Variants in PTPRD observed in about 807,000 individuals in gnomAD.
PTPRD encodes receptor-type tyrosine-protein phosphatase delta.
A neutral mutation model predicts 214.5 loss-of-function variants in PTPRD; 34 were observed. The ratio of observed to expected loss-of-function variants is 0.16; its 90% CI spans 0.12 to 0.21. The LOEUF (loss-of-function observed/expected upper bound fraction) is 0.21. Ranked by LOEUF, PTPRD falls within the 10% of genes least tolerant of loss-of-function variation. The pLI, the probability that PTPRD is intolerant of heterozygous loss-of-function variation, is 1.00. For synonymous variants in PTPRD, 1,128 were observed against 845.7 expected (o/e 1.33, Z -5.79); for missense variants, 2,545 against 2,398.7 (o/e 1.06, Z -1.27).
intron 11 of PTPRD, among the ~76,000 whole-genome samples, chr9:9,013,250 T>C (rs1421351955): frequency 6.6e-6 from 1 of 152,086 alleles, no homozygotes; most frequent in Non-Finnish European, 1.5e-5. Context: ...ATAATTAATA[T>C]ACGAGGCCAC....
intron 5 of PTPRD, among the ~76,000 whole-genome samples, chr9:9,931,926 C>G (rs1274037066): frequency 1.3e-5 from 2 of 151,734 alleles, no homozygotes; most frequent in East Asian, 3.9e-4. Flanking sequence ...ACCCCTGACC[C>G]CCGAGCAGCC....
At chr9:9,381,634 T>G (rs1311898659) in intron 9 of PTPRD, among the ~76,000 whole-genome samples, 11 of 152,062 alleles carry the variant, frequency 7.2e-5, no homozygotes, top group Non-Finnish European at 1.2e-4. Context: ...ATTACAGGTG[T>G]GGGCCACCAC....
chr9:8,352,301 A>C (rs1043120407), intron 39 of PTPRD, among the ~76,000 whole-genome samples: 9 of 152,202 alleles, frequency 5.9e-5, no homozygotes, highest in African/African-American at 2.2e-4. Flanking sequence ...GCCATTAGGC[A>C]TGGATAGAGC....
intron 14 of PTPRD, among the ~76,000 whole-genome samples, chr9:8,621,470 C>T (rs756650827): frequency 6.6e-6 from 1 of 151,814 alleles, no homozygotes; most frequent in African/African-American, 2.4e-5. Context: ...TTGGCTCAAA[C>T]CCCAGTCGTA....
intron 34 of PTPRD, among the ~76,000 whole-genome samples, chr9:8,445,363 CACTT>C (rs1411055863): frequency 6.6e-6 from 1 of 152,144 alleles, no homozygotes; most frequent in Non-Finnish European, 1.5e-5. Flanking sequence ...ATAAGACAGA[CACTT>C]ACAATCAATC....
chr9:10,478,665 C>T (rs1241979295), intron 2 of PTPRD, among the ~76,000 whole-genome samples: 1 of 151,896 alleles, frequency 6.6e-6, no homozygotes, highest in Non-Finnish European at 1.5e-5. Flanking sequence ...ATTTCTGCTG[C>T]TCATTTTTGA....
chr9:9,122,425 A>T (rs2099818463), intron 10 of PTPRD, among the ~76,000 whole-genome samples: 1 of 152,242 alleles, frequency 6.6e-6, no homozygotes, highest in Non-Finnish European at 1.5e-5. Flanking sequence ...TGAGTCAGCA[A>T]ATGTCCTAAA....
intron 43 of PTPRD, among the ~76,000 whole-genome samples, chr9:8,334,206 C>G (rs1049983225): frequency 1.3e-5 from 2 of 152,108 alleles, no homozygotes; most frequent in African/African-American, 4.8e-5. Context: ...CTACAGAACT[C>G]TCCACCCCAA....
At chr9:9,128,011 A>C (rs1225929534) in intron 10 of PTPRD, among the ~76,000 whole-genome samples, 1 of 152,134 alleles carries the variant, frequency 6.6e-6, no homozygotes, top group African/African-American at 2.4e-5. Flanking sequence ...TGCCAATTTT[A>C]TTTAGGCTCT....
At chr9:8,632,553 G>A (rs971882696) in intron 14 of PTPRD, among the ~76,000 whole-genome samples, 2 of 151,932 alleles carry the variant, frequency 1.3e-5, no homozygotes, top group Non-Finnish European at 2.9e-5. Flanking sequence ...AATGTCAACT[G>A]TGAGGTGCCT....
chr9:8,627,064 C>A (rs141348833), intron 14 of PTPRD, among the ~76,000 whole-genome samples: 357 of 151,846 alleles, frequency 2.4e-3, no homozygotes, highest in African/African-American at 8.1e-3. Context: ...CTCACAGACT[C>A]CTAAATATTC....
In PTPRD at chr9:8,925,189, T is replaced by C. The variant is rs1349154047; in HGVS notation, c.-104+93508A>G. 2.0e-5 allele frequency among the ~76,000 whole-genome samples: 3 copies of C among 152,156 alleles called. No individual in the cohort carries two copies. In the East Asian group the frequency reaches 5.8e-4, roughly 29 times the overall value. On this transcript the variant is annotated intron_variant, in intron 11 of 45. Coordinates refer to ENST00000381196, the MANE Select transcript of PTPRD (RefSeq NM_002839.4). ...CTGACTCTAATTACTCCCTATGTGA[T>C]GATGCAGCCAACGTCTTGACTCCAG...
intron 12 of PTPRD, among the ~76,000 whole-genome samples, chr9:8,711,345 G>T (rs893796605): frequency 6.6e-6 from 1 of 151,744 alleles, no homozygotes; most frequent in East Asian, 1.9e-4. Flanking sequence ...GATATAATTG[G>T]CATATTATAA....
At chr9:8,451,492 G>C (rs765347652) in intron 33 of PTPRD, among the ~76,000 whole-genome samples, 14 of 152,288 alleles carry the variant, frequency 9.2e-5, no homozygotes, top group Non-Finnish European at 1.6e-4. Context: ...AAAAAGACAG[G>C]CTCATAAGAC....
intron 12 of PTPRD, among the ~76,000 whole-genome samples, chr9:8,683,019 A>G (rs1265317240): frequency 1.3e-5 from 2 of 152,212 alleles, no homozygotes; most frequent in Non-Finnish European, 2.9e-5. Flanking sequence ...ATGAGTTTTA[A>G]CAATAACTCC....
intron 13 of PTPRD, among the ~76,000 whole-genome samples, chr9:8,635,303 G>A (rs911669258): frequency 1.3e-5 from 2 of 151,364 alleles, no homozygotes; most frequent in Non-Finnish European, 2.9e-5. Context: ...ATTAGAAAGC[G>A]TGATGTCAAA....
At chr9:9,995,128 T>C (rs1566982395) in intron 4 of PTPRD, among the ~76,000 whole-genome samples, 1 of 152,212 alleles carries the variant, frequency 6.6e-6, no homozygotes, top group Non-Finnish European at 1.5e-5. Context: ...AATATTATTC[T>C]GGCTACTTTT....
chr9:9,464,990 T>A (rs1411911216), intron 8 of PTPRD, among the ~76,000 whole-genome samples: 1 of 152,176 alleles, frequency 6.6e-6, no homozygotes, highest in Non-Finnish European at 1.5e-5. Flanking sequence ...ACAGAATAAT[T>A]GAAGTTTCTT....
chr9:8,673,451 T>C (rs775234664), intron 12 of PTPRD, among the ~76,000 whole-genome samples: 21 of 152,124 alleles, frequency 1.4e-4, no homozygotes, highest in Admixed American at 2.6e-4. Context: ...ATAATAACAG[T>C]AGTAATAGCA....
Sources: allele counts gnomAD v4.1 joint callset (sites outside exome capture counted in the v4.1 genomes callset), GRCh38; gene constraint gnomAD v4.1.1; transcripts MANE v1.5; gene names NCBI Gene and HGNC (gene_info 2026-07-23, HGNC 2026-07-21).